The following POTEF variants were observed in gnomAD, a reference collection of about 807,000 sequenced individuals.
POTEF encodes POTE ankyrin domain family member F, also known as ANKRD26-like family C member 1B.
Under a neutral mutation model 83.2 loss-of-function variants are expected in POTEF, and 20 were observed. The observed-to-expected ratio is 0.24, with a 90% CI of 0.17 to 0.35. The LOEUF (loss-of-function observed/expected upper bound fraction) is 0.35. Ranked by LOEUF, POTEF falls within the 10% of genes least tolerant of loss-of-function variation. POTEF has a pLI of 1.00. For missense variants in POTEF, 550 were observed against 1,203.2 expected (o/e 0.46, Z 8.03); for synonymous variants, 196 against 446.4 (o/e 0.44, Z 7.07).
At chr2:130,083,244 A>G (rs1426982726) in intron 15 of POTEF, among the ~76,000 whole-genome samples, 9 of 151,304 alleles carry the variant, frequency 5.9e-5, no homozygotes, top group Admixed American at 5.9e-4. Flanking sequence ...CTGAGGCAGG[A>G]GAAGTGCTGG....
Position 130,120,608 on chromosome 2 carries a change from T to A in POTEF, c.-93A>T, listed in dbSNP as rs1331356974. On this transcript the variant is annotated splice_region_variant and 5_prime_UTR_variant, in exon 3 of 17. It removes the in-frame stop codon of an upstream open reading frame in the 5' UTR. Transcript: ENST00000409914. ...CTAGCAGGTAACTCCGGGTTTCCAA[T>A]CTGTTTGAAGAGAAAAGTCAATCCC... The A allele has an allele frequency of 1.3e-5, 20 of 1,591,772 alleles. No individual in the cohort carries two copies. Among genetic ancestry groups the A allele is most frequent in the Non-Finnish European group, 1.6e-5 (19 of 1,169,300 alleles).
At position 130,075,111 on chromosome 2, in the gene POTEF, G is replaced by C. The variant is rs746928594; in HGVS notation, c.2361C>G (p.His787Gln). 1.9e-6 allele frequency: 3 copies of C among 1,613,726 alleles called. No individual in the cohort carries two copies. The East Asian group carries it at 6.7e-5, about 36-fold the overall frequency. The change falls in exon 17 of 17, where the codon CAC (histidine) becomes CAG (glutamine). Residue 787 changes from histidine to glutamine, a missense_variant. Coordinates refer to ENST00000409914, the MANE Select transcript of POTEF (RefSeq NM_001099771.2). ...TNWDDMEKIW[H>Q]HTFYNELRVA... is the part of the protein sequence containing the mutation. ...CACGCAGCTCGTTGTAGAAGGTGTGGTGCCAGATCTTCTCCATGTCATCCC... is the reference window on the plus strand; with the variant it reads ...CACGCAGCTCGTTGTAGAAGGTGTGCTGCCAGATCTTCTCCATGTCATCCC...
At chr2:130,123,923 G>T (rs527303303) in intron 2 of POTEF, among the ~76,000 whole-genome samples, 1 of 107,418 alleles carries the variant, frequency 9.3e-6, no homozygotes, top group South Asian at 3.2e-4. Context: ...AGCAGCAGCA[G>T]TAAGTTTTAA....
At chr2:130,126,660 T>C (rs1468175402) in intron 2 of POTEF, among the ~76,000 whole-genome samples, 3 of 152,008 alleles carry the variant, frequency 2.0e-5, no homozygotes, top group African/African-American at 7.3e-5. Context: ...GCATAAGTGG[T>C]TTAACACAAT....
At chr2:130,105,978 C>G (rs1684516090) in intron 8 of POTEF, among the ~76,000 whole-genome samples, 1 of 150,986 alleles carries the variant, frequency 6.6e-6, no homozygotes, top group Non-Finnish European at 1.5e-5. Context: ...TGTGGTGTGA[C>G]CCAGCCAGTG....
In POTEF at chr2:130,075,293, G is replaced by C. The variant is rs771177382; in HGVS notation, c.2179C>G (p.Pro727Ala). The change falls in exon 17 of 17, where the codon CCC (proline) becomes GCC (alanine). Residue 727 changes from proline (P) to alanine (A), a missense_variant. Coordinates refer to ENST00000409914, the MANE Select transcript of POTEF (RefSeq NM_001099771.2). ...ACGATGGAAGGGAAGACAGCCCGGGGGGCATCGTCGCCCGCAAAGCCGGCC... is the reference window on the plus strand; with the variant it reads ...ACGATGGAAGGGAAGACAGCCCGGGCGGCATCGTCGCCCGCAAAGCCGGCC... Reference protein sequence around the residue: ...CKAGFAGDDAPRAVFPSIVGR... With the variant: ...CKAGFAGDDAARAVFPSIVGR... 9.9e-6 allele frequency: 16 copies of C among 1,612,510 alleles called. No individual in the cohort carries two copies. Among genetic ancestry groups the C allele is most frequent in the Non-Finnish European group, 1.4e-5 (16 of 1,179,850 alleles).
At chr2:130,122,629 A>G (rs543871941) in intron 2 of POTEF, among the ~76,000 whole-genome samples, 4 of 151,416 alleles carry the variant, frequency 2.6e-5, no homozygotes, top group Admixed American at 1.3e-4. Flanking sequence ...TGCTTTGAGT[A>G]GCATTGAAAT....
intron 15 of POTEF, among the ~76,000 whole-genome samples, chr2:130,085,548 AC>A (rs1297680506): frequency 1.3e-5 from 1 of 78,032 alleles, no homozygotes; most frequent in African/African-American, 6.5e-5. Context: ...CTGCACACGT[AC>A]CCCGAAGCTA....
intron 15 of POTEF, among the ~76,000 whole-genome samples, chr2:130,080,164 T>G (rs1683912400): frequency 3.5e-5 from 2 of 56,702 alleles, no homozygotes; most frequent in Non-Finnish European, 3.7e-5. Context: ...GGGGGGGTTA[T>G]CCTTATTTTT....
At chr2:130,077,461 CA>C (rs1370234346) in intron 15 of POTEF, among the ~76,000 whole-genome samples, 2 of 151,578 alleles carry the variant, frequency 1.3e-5, no homozygotes, top group Non-Finnish European at 3.0e-5. Flanking sequence ...ATTCATTGTG[CA>C]CTTTATTTCT....
rs2599854 is a variant in POTEF at position 130,105,539 on chromosome 2, C to T, written c.1126+2470G>A. Among the ~76,000 whole-genome samples the T allele has an allele frequency of 2.1e-4, 32 of 151,598 alleles. 1 individual carries two copies. Among genetic ancestry groups the T allele is most frequent in the Non-Finnish European group, 3.5e-4 (24 of 68,040 alleles). On this transcript the variant is annotated intron_variant, in intron 8 of 16. Transcript: ENST00000409914. ...AGGCCAAATCCAATCTGCCTTATGG[C>T]TTTGTAAATAAAGTTTTATAGGAGC...
rs1685131483 is a variant in POTEF, at chr2:130,127,711, C to T, written c.-96G>A. 6.6e-6 allele frequency: 1 copy of T among 152,394 alleles called. No individual in the cohort carries two copies. Among genetic ancestry groups the T allele is most frequent in the African/African-American group, 2.4e-5 (1 of 41,076 alleles). 9.4% of individuals were successfully genotyped at this position (152,394 alleles called of 1,614,324 possible). ...TGCCCCCGCGGGCACCCTCCTACCA[C>T]TCCTGTCGAGCTGCAGTCTCCGTGG... On this transcript the variant is annotated splice_region_variant and 5_prime_UTR_variant, in exon 2 of 17. The change creates a new upstream start codon in the 5' untranslated region. Coordinates refer to ENST00000409914, the MANE Select transcript of POTEF (RefSeq NM_001099771.2).
In POTEF at chr2:130,121,134, C is replaced by CG. The variant is rs1037848223; in HGVS notation, c.-93-527dup. 2.1e-3 allele frequency among the ~76,000 whole-genome samples: 316 copies of CG among 151,668 alleles called. 7 individuals are homozygous for CG. Among genetic ancestry groups the CG allele is most frequent in the African/African-American group, 7.3e-3 (302 of 41,116 alleles). On this transcript the variant is annotated intron_variant, in intron 2 of 16. Coordinates refer to ENST00000409914, the MANE Select transcript of POTEF (RefSeq NM_001099771.2). ...GGCGTGTGCGCGCGGCGTGCGCGTG[C>CG]GCGTGCGGCGTGCTTATCTCAGGTG...
At chr2:130,122,592 G>T (rs1484502004) in intron 2 of POTEF, among the ~76,000 whole-genome samples, 1 of 150,398 alleles carries the variant, frequency 6.6e-6, no homozygotes, top group Non-Finnish European at 1.5e-5. Context: ...ATTGGAATTT[G>T]ACAGCGGTTG....
At chr2:130,122,780 TTA>T (rs1426450072) in intron 2 of POTEF, among the ~76,000 whole-genome samples, 1 of 151,508 alleles carries the variant, frequency 6.6e-6, no homozygotes, top group African/African-American at 2.4e-5. Flanking sequence ...TTTGATTTAC[TTA>T]TATATTTGTT....
At position 130,112,034 on chromosome 2, in the gene POTEF, T is replaced by A. The variant is rs781741406; in HGVS notation, c.878A>T (p.Lys293Met). The change falls in exon 6 of 17, where the codon AAG (lysine) becomes ATG (methionine). Residue 293 changes from lysine to methionine, a missense_variant. Coordinates refer to ENST00000409914, the MANE Select transcript of POTEF (RefSeq NM_001099771.2). ...CAGTGCATTTAAATTCGCTTTTTTC[T>A]TAATTAAAAATTTCACGACTTGCTG... is the stretch of plus-strand genomic sequence containing the variant. ...QKQQVVKFLI[K>M]KKANLNALDR... 8.3e-7 allele frequency: 1 copy of A among 1,200,980 alleles called. No homozygotes were observed. Among genetic ancestry groups the A allele is most frequent in the South Asian group, 1.3e-5 (1 of 76,802 alleles). The allele number at this position is 1,200,980 out of a possible 1,614,324, so 74.4% of individuals were successfully genotyped here.
chr2:130,105,310 A>G (rs570948271), intron 8 of POTEF, among the ~76,000 whole-genome samples: 2 of 151,722 alleles, frequency 1.3e-5, no homozygotes, highest in African/African-American at 4.9e-5. Flanking sequence ...AAAAAAACAA[A>G]GGCCAACATA....
At chr2:130,113,527 G>A (rs1422717407) in intron 5 of POTEF, among the ~76,000 whole-genome samples, 7 of 30,320 alleles carry the variant, frequency 2.3e-4, no homozygotes, top group Non-Finnish European at 3.8e-4. Flanking sequence ...TGTTGTTGTC[G>A]TTGTTGTTGT....
In POTEF at chr2:130,075,132, A is replaced by C. The variant is rs1314424820; in HGVS notation, c.2340T>G (p.Asp780Glu). 1.5e-5 allele frequency: 24 copies of C among 1,613,428 alleles called. No homozygotes were observed. Among genetic ancestry groups the C allele is most frequent in the Non-Finnish European group, 1.7e-5 (20 of 1,179,914 alleles). ...TGTGGTGCCAGATCTTCTCCATGTC[A>C]TCCCAGTTGGTGATGATGCCGTGTT... ...PMEHGIITNW[D>E]DMEKIWHHTF... is the part of the protein sequence containing the mutation. The change falls in exon 17 of 17, where the codon GAT becomes GAG. Residue 780 changes from aspartate (D) to glutamate (E), a missense_variant. By Grantham distance (45) the Asp-to-Glu change is conservative. Coordinates refer to ENST00000409914, the MANE Select transcript of POTEF (RefSeq NM_001099771.2).
Sources: allele counts gnomAD v4.1 joint callset (sites outside exome capture counted in the v4.1 genomes callset), GRCh38; gene constraint gnomAD v4.1.1; transcripts MANE v1.5; gene names NCBI Gene and HGNC (gene_info 2026-07-23, HGNC 2026-07-21).